Variants in SCN7A observed in about 807,000 individuals in gnomAD.
SCN7A encodes the protein sodium channel protein type 7 subunit alpha.
A neutral mutation model predicts 155.2 loss-of-function variants in SCN7A; 138 were observed. That is an observed-to-expected ratio of 0.89 (90% CI 0.77 to 1.02). The LOEUF is 1.02. Ranked by LOEUF, SCN7A falls within the 50% of genes least tolerant of loss-of-function variation. SCN7A has a pLI of 0.00. For missense variants in SCN7A, 2,058 were observed against 1,986.6 expected (o/e 1.04, Z -0.68); for synonymous variants, 693 against 649.0 (o/e 1.07, Z -1.03).
chr2:166,460,464 G>A (rs577990315), intron 10 of SCN7A, among the ~76,000 whole-genome samples: 1 of 152,114 alleles, frequency 6.6e-6, no homozygotes, highest in East Asian at 1.9e-4. Context: ...AAATTAGCAG[G>A]TAGTTTCTCA....
intron 16 of SCN7A, among the ~76,000 whole-genome samples, chr2:166,431,962 T>C (rs1312391986): frequency 1.3e-5 from 2 of 152,078 alleles, no homozygotes; most frequent in Non-Finnish European, 2.9e-5. Flanking sequence ...TTCCTCAGTA[T>C]ACTTTTCAGC....
chr2:166,482,566 C>A (rs905999238), intron 2 of SCN7A, among the ~76,000 whole-genome samples: 11 of 151,850 alleles, frequency 7.2e-5, no homozygotes, highest in African/African-American at 2.7e-4. Context: ...TTAAATCAAA[C>A]CACAAAGAAA....
intron 15 of SCN7A, among the ~76,000 whole-genome samples, chr2:166,434,909 A>G (rs1356131517): frequency 6.6e-6 from 1 of 152,124 alleles, no homozygotes; most frequent in African/African-American, 2.4e-5. Context: ...TTATTTTAAA[A>G]AATAATTGAT....
chr2:166,469,247 G>T (rs1031994256), intron 7 of SCN7A, among the ~76,000 whole-genome samples: 1 of 151,218 alleles, frequency 6.6e-6, no homozygotes, highest in South Asian at 2.1e-4. Flanking sequence ...CTTTATACAA[G>T]TGTGCTTGTT....
chr2:166,462,575 T>A (rs1318578774), intron 9 of SCN7A, 45 bp from the exon 10 acceptor site: 1 of 1,582,664 alleles, frequency 6.3e-7, no homozygotes, highest in Non-Finnish European at 8.6e-7. Flanking sequence ...TAGGTGACTA[T>A]CAGATTATGG....
chr2:166,450,220 C>T (rs1201942119), intron 11 of SCN7A, among the ~76,000 whole-genome samples: 2 of 152,112 alleles, frequency 1.3e-5, no homozygotes, highest in African/African-American at 2.4e-5. Context: ...GAACAGAAAA[C>T]CAAATACCAT....
At chr2:166,416,348 G>A (rs958851672) in intron 21 of SCN7A, among the ~76,000 whole-genome samples, 10 of 152,048 alleles carry the variant, frequency 6.6e-5, no homozygotes, top group African/African-American at 2.4e-4. Flanking sequence ...CTCCCTGTTT[G>A]TACACCCCCT....
At position 166,457,010 on chromosome 2, in the gene SCN7A, A is replaced by G; in HGVS notation, c.1150T>C (p.Tyr384His). ...ATGCCTAAGAACAAACTTGCCATAT[A>G]AAAGGAAAACAAAAAACTTACCACC... ...FVVVSFLFSF[Y>H]MASLFLGILA... The change falls in exon 11 of 26, where the codon TAT (tyrosine) becomes CAT (histidine). Residue 384 changes from tyrosine to histidine, a missense_variant. Tyr to His is a moderately conservative substitution (Grantham distance 83, BLOSUM62 2). Coordinates refer to ENST00000643258, the MANE Select transcript of SCN7A (RefSeq NM_002976.4). The G allele has an allele frequency of 1.2e-6, 2 of 1,610,914 alleles. No homozygotes were observed. Among genetic ancestry groups the G allele is most frequent in the Non-Finnish European group, 1.7e-6 (2 of 1,178,778 alleles).
chr2:166,413,003 G>T, intron 22 of SCN7A, 65 bp downstream of exon 22: 2 of 1,128,786 alleles, frequency 1.8e-6, no homozygotes, highest in Non-Finnish European at 2.6e-6. Context: ...GGTGTCCTGT[G>T]CTCGAATTGC....
At chr2:166,493,453 A>T (rs1683159820) in intron 1 of SCN7A, among the ~76,000 whole-genome samples, 1 of 152,232 alleles carries the variant, frequency 6.6e-6, no homozygotes, top group African/African-American at 2.4e-5. Context: ...TGATCTAGTC[A>T]ATACCAAAAT....
chr2:166,429,196 C>A lies in SCN7A; in HGVS notation c.2671G>T (p.Gly891Cys). Residue 891 changes from glycine (G) to cysteine (C), a missense_variant, in exon 17 of 26, where the codon GGT becomes TGT. Coordinates refer to ENST00000643258, the MANE Select transcript of SCN7A (RefSeq NM_002976.4). ...TTTTTCAGATGCTTTGATCTTTCAC[C>A]TCCATAGAACATTTCTTCTTCTTCA... Reference protein sequence around the residue: ...ISEEEEMFYGGERSKHLKNGC... With the variant: ...ISEEEEMFYGCERSKHLKNGC... 5 of 1,540,564 alleles carry A rather than the reference C, an allele frequency of 3.2e-6. No homozygotes were observed. Among genetic ancestry groups the A allele is most frequent in the Non-Finnish European group, 4.4e-6 (5 of 1,142,024 alleles).
chr2:166,405,934 G>T lies in SCN7A; in HGVS notation c.4695C>A (p.Pro1565=), dbSNP rs769080484. 5.0e-6 allele frequency: 8 copies of T among 1,613,070 alleles called. No individual in the cohort carries two copies. The Middle Eastern group carries it at 5.0e-4, about 100-fold the overall frequency. ...NKGQLIALDL[P]MAVGDRIHCL... is the part of the protein sequence containing the mutation. ...AATGAATTCTGTCCCCAACAGCCAT[G>T]GGGAGGTCCAAAGCAATGAGCTGGC... Residue 1565 remains proline, a synonymous_variant, in exon 26 of 26, where the codon CCC becomes CCA. Transcript: ENST00000643258.
intron 3 of SCN7A, among the ~76,000 whole-genome samples, chr2:166,475,396 T>A (rs937406478): frequency 1.3e-5 from 2 of 150,840 alleles, no homozygotes; most frequent in Non-Finnish European, 3.0e-5. Flanking sequence ...TATATTTGTA[T>A]ATATACAGAA....
chr2:166,466,090 T>C, intron 7 of SCN7A, 103 bp from the exon 8 acceptor site: 1 of 731,614 alleles, frequency 1.4e-6, no homozygotes, highest in Non-Finnish European at 2.2e-6. Flanking sequence ...AAATCAACAG[T>C]TTTATCTTAT....
In SCN7A at chr2:166,406,284, A is replaced by G. The variant is rs749738187; in HGVS notation, c.4345T>C (p.Ser1449Pro). Residue 1449 changes from serine (S) to proline (P), a missense_variant, in exon 26 of 26, where the codon TCT (serine) becomes CCT (proline). Physicochemically the swap from Ser to Pro is moderately conservative, Grantham distance 74. Coordinates refer to ENST00000643258, the MANE Select transcript of SCN7A (RefSeq NM_002976.4). ...TTAATTTTATCAGGATCACAGTCAG[A>G]CCATTTACTGTTGAAAATTGCATCA... Reference protein sequence around the residue: ...MLDAIFNSKWSDCDPDKINPG... With the variant: ...MLDAIFNSKWPDCDPDKINPG... The G allele has an allele frequency of 1.9e-6, 3 of 1,613,068 alleles. No homozygotes were observed. In the Admixed American group the frequency reaches 5.0e-5, roughly 27 times the overall value.
At chr2:166,475,663 C>T (rs1182180691) in intron 3 of SCN7A, among the ~76,000 whole-genome samples, 1 of 151,868 alleles carries the variant, frequency 6.6e-6, no homozygotes, top group Non-Finnish European at 1.5e-5. Flanking sequence ...TCTCAAACTT[C>T]ACACAAGATG....
rs76019572 is a variant in SCN7A, at chr2:166,411,562, T to G, written c.3606+968A>C. Among the ~76,000 whole-genome samples the G allele has an allele frequency of 5.0e-3, 764 of 152,140 alleles. 37 individuals carry two copies. The East Asian group carries it at 0.11, about 22-fold the overall frequency. On this transcript the variant is annotated intron_variant, in intron 23 of 25. Coordinates refer to ENST00000643258, the MANE Select transcript of SCN7A (RefSeq NM_002976.4). ...AAACATATGCTGAGGTTGCTAAATCTATGGTATGAATGAATCTTCTGTCCA... is the reference window on the plus strand; with the variant it reads ...AAACATATGCTGAGGTTGCTAAATCGATGGTATGAATGAATCTTCTGTCCA...
chr2:166,454,342 C>T (rs1156270775), intron 11 of SCN7A, among the ~76,000 whole-genome samples: 1 of 152,144 alleles, frequency 6.6e-6, no homozygotes, highest in Non-Finnish European at 1.5e-5. Context: ...CTTTTTTATA[C>T]ATGTTTTCTT....
chr2:166,477,460 C>G lies in SCN7A; in HGVS notation c.234+3G>C, dbSNP rs1702822318. 1 of 1,463,022 alleles carries G rather than the reference C, an allele frequency of 6.8e-7. No homozygotes were observed. Among genetic ancestry groups the G allele is most frequent in the Non-Finnish European group, 9.2e-7 (1 of 1,092,118 alleles). 90.6% of individuals were successfully genotyped at this position (1,463,022 alleles called of 1,614,324 possible). The stretch of plus-strand genomic sequence containing the variant: ...CATCAAAATAATCTCAATTAATACT[C>G]ACATTTTTTTTCTTGTAGTAATATG... On this transcript the variant is annotated splice_donor_region_variant and intron_variant, in intron 3 of 25. Transcript: ENST00000643258.
Sources: gnomAD v4.1 joint callset for allele counts (sites outside exome capture counted in the v4.1 genomes callset) on GRCh38, gnomAD v4.1.1 for gene constraint, MANE v1.5 for transcripts, NCBI Gene and HGNC (gene_info 2026-07-23, HGNC 2026-07-21) for gene names.